Variants in SLC16A2 observed in about 807,000 individuals in gnomAD.
SLC16A2 encodes the protein solute carrier family 16 member 2, also known as monocarboxylate transporter 8.
In SLC16A2, 3 loss-of-function variants were observed where a neutral mutation model predicts 27.2. That is an observed-to-expected ratio of 0.11 (90% CI 0.05 to 0.28). SLC16A2 has a LOEUF of 0.28. Ranked by LOEUF, SLC16A2 falls within the 10% of genes least tolerant of loss-of-function variation. SLC16A2 has a pLI of 1.00. For missense variants in SLC16A2, 295 were observed against 458.5 expected, an observed-to-expected ratio of 0.64 and a Z score of 3.26; for synonymous variants, 202 against 187.8, an observed-to-expected ratio of 1.08 and a Z score of -0.62.
In SLC16A2 at chrX:74,473,222, C is replaced by G. The variant is rs149886948; in HGVS notation, c.431-47768C>G. The G allele has an allele frequency of 3.1e-4, 244 of 790,603 alleles. No individual in the cohort carries two copies. In the East Asian group the frequency reaches 7.6e-3, roughly 25 times the overall value. 65.2% of individuals were successfully genotyped at this position (790,603 alleles called of 1,213,427 possible). A position where few individuals can be genotyped will look rare whatever the true frequency, so the allele number is the denominator to read the frequency against. On this transcript the variant is annotated intron_variant, in intron 1 of 5. Coordinates refer to ENST00000587091, the MANE Select transcript of SLC16A2 (RefSeq NM_006517.5). ...CCACCACCTCCAAAATTGCTTCCAT[C>G]ATTACCAAATCCATTATAGCCATCC...
chrX:74,467,077 G>A (rs898433754), intron 1 of SLC16A2, among the ~76,000 whole-genome samples: 9 of 110,751 alleles, frequency 8.1e-5, no homozygotes, highest in Non-Finnish European at 1.1e-4. Flanking sequence ...CAGAGAGAGA[G>A]GTATAAAGCC....
In SLC16A2 at chrX:74,531,582, C is replaced by T. The variant is rs202031869; in HGVS notation, c.*29C>T. On this transcript the variant is annotated 3_prime_UTR_variant, in exon 6 of 6. Coordinates refer to ENST00000587091, the MANE Select transcript of SLC16A2 (RefSeq NM_006517.5). ...CTTTCTTGCCATTGTGTGCCCTTTC[C>T]CAGCTCTTCCCCTTCATCCCACCCT... The T allele has an allele frequency of 3.1e-4, 345 of 1,096,369 alleles. No homozygotes were observed. The African/African-American group carries it at 5.6e-3, about 18-fold the overall frequency. The allele number at this position is 1,096,369 out of a possible 1,213,427, so 90.4% of individuals were successfully genotyped here. A position where few individuals can be genotyped will look rare whatever the true frequency, so the allele number is the denominator to read the frequency against.
chrX:74,465,557 G>A (rs1021058386), intron 1 of SLC16A2, among the ~76,000 whole-genome samples: 15 of 111,585 alleles, frequency 1.3e-4, no homozygotes, highest in African/African-American at 4.9e-4. Flanking sequence ...GGGGAGTTGG[G>A]AGTGGTGCTC....
chrX:74,528,975 C>A (rs1360080803), intron 4 of SLC16A2, among the ~76,000 whole-genome samples: 1 of 112,019 alleles, frequency 8.9e-6, no homozygotes, highest in Non-Finnish European at 1.9e-5. Context: ...CCCCAACTTT[C>A]TTTTTTTAAT....
At chrX:74,515,710 G>A in intron 1 of SLC16A2, among the ~76,000 whole-genome samples, 1 of 111,521 alleles carries the variant, frequency 9.0e-6, no homozygotes, top group South Asian at 3.8e-4. Flanking sequence ...TTAACTCTAG[G>A]GGAAAAACAA....
At chrX:74,526,031 C>T (rs1930483005) in intron 4 of SLC16A2, 138 bp downstream of exon 4, 2 of 723,470 alleles carry the variant, frequency 2.8e-6, no homozygotes, top group East Asian at 3.5e-5. Context: ...TCCATTTCAC[C>T]TGCTTTTAAA....
intron 1 of SLC16A2, among the ~76,000 whole-genome samples, chrX:74,457,418 GC>G (rs1164142387): frequency 9.1e-6 from 1 of 110,130 alleles, no homozygotes; most frequent in Non-Finnish European, 1.9e-5. Context: ...TTGACTTTGG[GC>G]CACTCTGCAC....
At chrX:74,498,087 G>A (rs1569295585) in intron 1 of SLC16A2, among the ~76,000 whole-genome samples, 1 of 111,341 alleles carries the variant, frequency 9.0e-6, no homozygotes, top group Non-Finnish European at 1.9e-5. Context: ...TTAGTTTATG[G>A]TTTAACCTTA....
intron 5 of SLC16A2, among the ~76,000 whole-genome samples, chrX:74,529,760 A>T (rs753795327): frequency 1.7e-4 from 18 of 105,985 alleles, no homozygotes; most frequent in Non-Finnish European, 3.3e-4. Flanking sequence ...CTGATCTAGT[A>T]TCCTCTCACT....
chrX:74,491,438 T>C (rs747873264), intron 1 of SLC16A2, among the ~76,000 whole-genome samples: 2 of 112,336 alleles, frequency 1.8e-5, no homozygotes, highest in Non-Finnish European at 3.8e-5. Flanking sequence ...TAAAGGATTG[T>C]GGAGACCAAA....
intron 1 of SLC16A2, among the ~76,000 whole-genome samples, chrX:74,451,035 G>A (rs1928929275): frequency 8.9e-6 from 1 of 111,835 alleles, no homozygotes; most frequent in Non-Finnish European, 1.9e-5. Flanking sequence ...TCTGAATTGG[G>A]TTTCCATGGG....
chrX:74,432,795 A>G (rs1928556161), intron 1 of SLC16A2, among the ~76,000 whole-genome samples: 1 of 111,957 alleles, frequency 8.9e-6, no homozygotes, highest in Admixed American at 9.5e-5. Context: ...CCCCAGCTCA[A>G]TCACTGGCAT....
At chrX:74,458,473 C>T (rs1390527085) in intron 1 of SLC16A2, among the ~76,000 whole-genome samples, 2 of 111,121 alleles carry the variant, frequency 1.8e-5, no homozygotes, top group African/African-American at 3.3e-5. Flanking sequence ...CTCAGCCTCC[C>T]GAGTACCTGG....
At position 74,470,078 on chromosome X, in the gene SLC16A2, C is replaced by T. The variant is rs190726531; in HGVS notation, c.430+48011C>T. 6.1e-3 allele frequency among the ~76,000 whole-genome samples: 679 copies of T among 111,410 alleles called. 8 individuals carry two copies. Among genetic ancestry groups the T allele is most frequent in the African/African-American group, 0.021 (643 of 30,738 alleles). On this transcript the variant is annotated intron_variant, in intron 1 of 5. Transcript: ENST00000587091. ...TGATTGGAATCACACAGTATGGAGC[C>T]TTTTCAGATTGGTGTCTTTCACTTA...
intron 1 of SLC16A2, among the ~76,000 whole-genome samples, chrX:74,497,867 G>A (rs761576415): frequency 1.4e-4 from 15 of 107,348 alleles, no homozygotes; most frequent in Non-Finnish European, 1.9e-5. Context: ...GACACTGGAA[G>A]GAAGGGGGAA....
chrX:74,499,489 T>G (rs1175009214), intron 1 of SLC16A2, among the ~76,000 whole-genome samples: 1 of 106,774 alleles, frequency 9.4e-6, no homozygotes, highest in Non-Finnish European at 1.9e-5. Context: ...AGTTTCACTC[T>G]GTCACCCAGG....
intron 1 of SLC16A2, among the ~76,000 whole-genome samples, chrX:74,486,938 A>G (rs1355160557): frequency 8.9e-6 from 1 of 111,855 alleles, no homozygotes; most frequent in Non-Finnish European, 1.9e-5. Flanking sequence ...CTTTGTAGGG[A>G]CATGGATGAA....
chrX:74,469,358 T>TACCAAGTTAC (rs1929309373), intron 1 of SLC16A2, among the ~76,000 whole-genome samples: 1 of 111,823 alleles, frequency 8.9e-6, no homozygotes, highest in African/African-American at 3.2e-5. Flanking sequence ...GAATGCTGGA[T>TACCAAGTTAC]CATATGGTGG....
At chrX:74,505,286 G>A (rs1279720764) in intron 1 of SLC16A2, among the ~76,000 whole-genome samples, 2 of 111,842 alleles carry the variant, frequency 1.8e-5, no homozygotes, top group Non-Finnish European at 3.8e-5. Context: ...CTAGCCAACC[G>A]ATGTAATATC....
Sources: allele counts gnomAD v4.1 joint callset (sites outside exome capture counted in the v4.1 genomes callset), GRCh38; gene constraint gnomAD v4.1.1; transcripts MANE v1.5; gene names NCBI Gene and HGNC (gene_info 2026-07-23, HGNC 2026-07-21).